The following ERG variants were observed in gnomAD, a reference collection of about 807,000 sequenced individuals.
The protein encoded by ERG is transcriptional regulator ERG.
In ERG, 9 loss-of-function variants were observed where a neutral mutation model predicts 55.3. The ratio of observed to expected loss-of-function variants is 0.16; its 90% CI spans 0.10 to 0.28. The LOEUF (loss-of-function observed/expected upper bound fraction) is 0.28, where lower values mean the gene tolerates loss of function less well. Among genes scored for constraint, ERG ranks in the 10% least tolerant of loss-of-function variants. ERG has a pLI of 1.00. For missense variants in ERG, 434 were observed against 631.6 expected (o/e 0.69, Z 3.35); for synonymous variants, 223 against 237.3 (o/e 0.94, Z 0.55).
the ERG span, chr21:38,367,489 T>C: frequency 1.5e-5 from 6 of 401,492 alleles, no homozygotes; most frequent in Non-Finnish European, 2.4e-5. Context: ...CCCATACACT[T>C]CTCTGTAGGG....
At chr21:38,651,338 C>A (rs2060487592) in intron 1 of ERG, among the ~76,000 whole-genome samples, 1 of 152,162 alleles carries the variant, frequency 6.6e-6, no homozygotes, top group South Asian at 2.1e-4. Flanking sequence ...GTTGCGGTTG[C>A]TCATTATATT....
At chr21:38,611,868 G>A (rs1466194403) in intron 1 of ERG, among the ~76,000 whole-genome samples, 1 of 152,198 alleles carries the variant, frequency 6.6e-6, no homozygotes, top group Admixed American at 6.5e-5. Flanking sequence ...AATGACAAAA[G>A]AGAAGGGAGG....
chr21:38,484,265 G>A (rs1357073120), intron 1 of ERG, among the ~76,000 whole-genome samples: 7 of 152,012 alleles, frequency 4.6e-5, no homozygotes, highest in Non-Finnish European at 5.9e-5. Context: ...GCGCCCGGTC[G>A]GGGTTCTATA....
chr21:38,595,305 C>A (rs1459235451), intron 1 of ERG, among the ~76,000 whole-genome samples: 8 of 152,034 alleles, frequency 5.3e-5, no homozygotes, highest in African/African-American at 1.9e-4. Flanking sequence ...CACGATCCAG[C>A]CCAAGGTAAT....
chr21:38,548,566 G>A (rs1275816350), intron 2 of ERG, among the ~76,000 whole-genome samples: 1 of 147,302 alleles, frequency 6.8e-6, no homozygotes, highest in Admixed American at 6.8e-5. Context: ...TCCTGCCTCA[G>A]CCTCCCAAGT....
rs1988776107 is a variant in ERG at position 38,406,402 on chromosome 21, T to C, written c.389-2693A>G. On this transcript the variant is annotated intron_variant, in intron 3 of 9. Coordinates refer to ENST00000288319, the MANE Select transcript of ERG (RefSeq NM_182918.4). Reference sequence around the variant, plus strand: ...TGACTCTTCGTCATTGGCTGAGAATTTGGCTTTCAGAGATAAAATGTTTCT... The same window carrying C: ...TGACTCTTCGTCATTGGCTGAGAATCTGGCTTTCAGAGATAAAATGTTTCT... 2.0e-5 allele frequency among the ~76,000 whole-genome samples: 3 copies of C among 152,264 alleles called. No homozygotes were observed. The South Asian group carries it at 6.2e-4, about 32-fold the overall frequency.
chr21:38,601,701 G>A (rs980553959), intron 1 of ERG, among the ~76,000 whole-genome samples: 5 of 152,068 alleles, frequency 3.3e-5, no homozygotes, highest in Non-Finnish European at 7.3e-5. Context: ...AGCATTTCCA[G>A]TCACTATCTT....
At chr21:38,522,452 T>A (rs2059601816) in intron 2 of ERG, among the ~76,000 whole-genome samples, 1 of 152,298 alleles carries the variant, frequency 6.6e-6, no homozygotes, top group South Asian at 2.1e-4. Context: ...TAAAAATCCA[T>A]ATATTAACCA....
At chr21:38,409,766 T>C (rs2186345) in intron 3 of ERG, among the ~76,000 whole-genome samples, 132,030 of 152,260 alleles carry the variant, frequency 0.87, 57,813 homozygotes, top group Non-Finnish European at 0.94. Flanking sequence ...CACAGCAACA[T>C]ACGAGGATGG....
At chr21:38,573,446 A>G (rs2059973634) in intron 2 of ERG, among the ~76,000 whole-genome samples, 1 of 152,234 alleles carries the variant, frequency 6.6e-6, no homozygotes, top group Non-Finnish European at 1.5e-5. Context: ...TTCTGAGATG[A>G]GAGAAAAACC....
chr21:38,642,028 A>G (rs1251857484), intron 1 of ERG, among the ~76,000 whole-genome samples: 2 of 152,254 alleles, frequency 1.3e-5, no homozygotes, highest in East Asian at 3.8e-4. Context: ...TGAATACTCA[A>G]CAGAAGAGGA....
intron 1 of ERG, among the ~76,000 whole-genome samples, chr21:38,459,101 C>G (rs2146591280): frequency 6.6e-6 from 1 of 152,290 alleles, no homozygotes; most frequent in East Asian, 1.9e-4. Flanking sequence ...TCTGTGCACT[C>G]TCCTGGGCCA....
chr21:38,643,487 A>T (rs1034089822), intron 1 of ERG, among the ~76,000 whole-genome samples: 3 of 152,172 alleles, frequency 2.0e-5, no homozygotes, highest in Non-Finnish European at 4.4e-5. Flanking sequence ...CAAAGCCAAC[A>T]ACATGCTATT....
Position 38,381,510 on chromosome 21 carries a change from C to T in ERG, c.*1893G>A, listed in dbSNP as rs1987435226. ...GATGTAGCAGGACTAAAGCTGTCTA[C>T]CTAGTGAGAGCTCCTGAAAGAGAAA... On this transcript the variant is annotated 3_prime_UTR_variant, in exon 10 of 10. Coordinates refer to ENST00000288319, the MANE Select transcript of ERG (RefSeq NM_182918.4). 15 of 1,063,986 alleles carry T rather than the reference C, an allele frequency of 1.4e-5. No homozygotes were observed. Among genetic ancestry groups the T allele is most frequent in the South Asian group, 9.1e-5 (2 of 21,956 alleles). The allele number at this position is 1,063,986 out of a possible 1,614,324, so 65.9% of individuals were successfully genotyped here.
chr21:38,442,418 A>G (rs974001497), intron 2 of ERG, among the ~76,000 whole-genome samples: 30 of 152,186 alleles, frequency 2.0e-4, no homozygotes, highest in African/African-American at 6.8e-4. Context: ...AAAAAGAAAG[A>G]AAATGTCCAG....
rs1421607840 is a variant in ERG at position 38,381,696 on chromosome 21, AT to A, written c.*1706del. 9.4e-7 allele frequency: 1 copy of A among 1,063,492 alleles called. No homozygotes were observed. The highest frequency in any genetic ancestry group is 1.1e-6 in the Non-Finnish European group (1 of 878,228). 65.9% of individuals were successfully genotyped at this position (1,063,492 alleles called of 1,614,324 possible). A position where few individuals can be genotyped will look rare whatever the true frequency, so the allele number is the denominator to read the frequency against. On this transcript the variant is annotated 3_prime_UTR_variant, in exon 10 of 10. Coordinates refer to ENST00000288319, the MANE Select transcript of ERG (RefSeq NM_182918.4). ...TTAATCATAGCAGGAATTAAGGGTGATTTGTGACCAGGTGCTGAACTAGAAT... is the reference window on the plus strand; with the variant it reads ...TTAATCATAGCAGGAATTAAGGGTGATTGTGACCAGGTGCTGAACTAGAAT...
intron 3 of ERG, among the ~76,000 whole-genome samples, chr21:38,412,413 T>C (rs1041925631): frequency 6.6e-6 from 1 of 152,224 alleles, no homozygotes; most frequent in East Asian, 1.9e-4. Context: ...AGAAAGCTTA[T>C]ACTTGAATCA....
At chr21:38,617,031 T>G (rs1483406785) in intron 1 of ERG, among the ~76,000 whole-genome samples, 1 of 152,208 alleles carries the variant, frequency 6.6e-6, no homozygotes, top group Admixed American at 6.5e-5. Flanking sequence ...CTGCCTGAAT[T>G]TCTAGCAGAG....
At position 38,380,117 on chromosome 21, in the gene ERG, T is replaced by A. The variant is rs1987356575; in HGVS notation, c.*3286A>T. On this transcript the variant is annotated 3_prime_UTR_variant, in exon 10 of 10. Transcript: ENST00000288319. ...TTGAATGAATTAATGAGAAGCTAAA[T>A]AAACTAGCTTTTTAAAAAATATTTT... The A allele has an allele frequency of 9.7e-7, 1 of 1,029,524 alleles. No individual in the cohort carries two copies. The highest frequency in any genetic ancestry group is 4.6e-5 in the South Asian group (1 of 21,666). The allele number at this position is 1,029,524 out of a possible 1,614,324, so 63.8% of individuals were successfully genotyped here.
Sources: gnomAD v4.1 joint callset for allele counts (sites outside exome capture counted in the v4.1 genomes callset) on GRCh38, gnomAD v4.1.1 for gene constraint, MANE v1.5 for transcripts, NCBI Gene and HGNC (gene_info 2026-07-23, HGNC 2026-07-21) for gene names.